Variants in DNER observed in about 807,000 individuals in gnomAD.
DNER encodes delta/notch like EGF repeat containing.
In DNER, 33 loss-of-function variants were observed where a neutral mutation model predicts 78.2. The observed-to-expected ratio is 0.42, with a 90% CI of 0.32 to 0.56. The LOEUF (loss-of-function observed/expected upper bound fraction) is 0.56. DNER is among the 20% of genes least tolerant of loss of function. The pLI, the probability that DNER is intolerant of heterozygous loss-of-function variation, is 0.11. For synonymous variants in DNER, 417 were observed against 384.8 expected (o/e 1.08, Z -0.98); for missense variants, 918 against 975.3 (o/e 0.94, Z 0.78).
At chr2:229,396,913 T>C (rs1305659553) in intron 10 of DNER, among the ~76,000 whole-genome samples, 1 of 152,096 alleles carries the variant, frequency 6.6e-6, no homozygotes, top group Non-Finnish European at 1.5e-5. Flanking sequence ...ACCAAGTAAC[T>C]ACTGAAATCA....
intron 5 of DNER, among the ~76,000 whole-genome samples, chr2:229,538,298 A>G (rs967102764): frequency 1.3e-5 from 2 of 152,234 alleles, no homozygotes; most frequent in African/African-American, 4.8e-5. Context: ...TGACTCAAAA[A>G]TGTTTAACGA....
intron 8 of DNER, among the ~76,000 whole-genome samples, chr2:229,439,760 C>T (rs1041511409): frequency 6.6e-6 from 1 of 152,304 alleles, no homozygotes; most frequent in East Asian, 1.9e-4. Flanking sequence ...TGATACTGTG[C>T]TGGCAGGGCT....
intron 7 of DNER, among the ~76,000 whole-genome samples, chr2:229,449,397 C>T (rs994715422): frequency 1.3e-5 from 2 of 152,092 alleles, no homozygotes; most frequent in African/African-American, 2.4e-5. Flanking sequence ...TGCAGCATAG[C>T]TGCTTAAAAT....
intron 11 of DNER, among the ~76,000 whole-genome samples, chr2:229,384,164 G>A (rs1233107850): frequency 6.6e-6 from 1 of 152,012 alleles, no homozygotes; most frequent in Non-Finnish European, 1.5e-5. Flanking sequence ...ATGACTACTG[G>A]GTAAATAACG....
At chr2:229,359,725 A>G (rs1692171077) in intron 12 of DNER, among the ~76,000 whole-genome samples, 1 of 152,056 alleles carries the variant, frequency 6.6e-6, no homozygotes, top group Non-Finnish European at 1.5e-5. Context: ...CTGTCTTCTC[A>G]TGTATGGAGA....
intron 1 of DNER, among the ~76,000 whole-genome samples, chr2:229,697,846 G>T (rs1699684911): frequency 6.6e-6 from 1 of 152,212 alleles, no homozygotes; most frequent in Non-Finnish European, 1.5e-5. Flanking sequence ...TTCTAGGAAA[G>T]AAGACCTGCC....
intron 1 of DNER, among the ~76,000 whole-genome samples, chr2:229,604,774 C>T (rs1299039761): frequency 1.3e-5 from 2 of 152,102 alleles, no homozygotes; most frequent in African/African-American, 4.8e-5. Context: ...CTGCAGATAA[C>T]TCTAAAGTCT....
At chr2:229,406,901 C>T (rs1693399772) in intron 10 of DNER, among the ~76,000 whole-genome samples, 1 of 152,182 alleles carries the variant, frequency 6.6e-6, no homozygotes, top group Non-Finnish European at 1.5e-5. Flanking sequence ...TTCTTTCCAT[C>T]TTCTGACTTT....
intron 6 of DNER, among the ~76,000 whole-genome samples, chr2:229,509,035 T>A (rs1300854166): frequency 6.6e-6 from 1 of 152,216 alleles, no homozygotes; most frequent in Non-Finnish European, 1.5e-5. Context: ...TAAGGTTAGT[T>A]GTCAGAAACA....
At chr2:229,470,727 G>A (rs947519216) in intron 7 of DNER, among the ~76,000 whole-genome samples, 2 of 152,146 alleles carry the variant, frequency 1.3e-5, no homozygotes, top group East Asian at 1.9e-4. Context: ...ATGGTCGCCT[G>A]TAATGCCAGC....
intron 6 of DNER, among the ~76,000 whole-genome samples, chr2:229,510,041 A>T (rs1189900578): frequency 6.6e-6 from 1 of 152,124 alleles, no homozygotes; most frequent in Non-Finnish European, 1.5e-5. Context: ...TAGTTACCCA[A>T]GCAAAAAGGA....
At chr2:229,479,726 A>C (rs2009549) in intron 6 of DNER, among the ~76,000 whole-genome samples, 70,084 of 132,626 alleles carry the variant, frequency 0.53, 16,595 homozygotes, top group South Asian at 0.69. Flanking sequence ...AAAAAAAAAA[A>C]AAAAACAAAA....
intron 6 of DNER, among the ~76,000 whole-genome samples, chr2:229,510,330 C>T (rs546602263): frequency 1.3e-5 from 2 of 152,334 alleles, no homozygotes; most frequent in Admixed American, 6.5e-5. Context: ...CCTGCAGCCA[C>T]GTGGAGAATG....
chr2:229,684,140 G>T (rs1699437723), intron 1 of DNER, among the ~76,000 whole-genome samples: 1 of 115,996 alleles, frequency 8.6e-6, no homozygotes, highest in African/African-American at 3.3e-5. Flanking sequence ...GTGTGTCTGT[G>T]TATGTGAGAG....
intron 5 of DNER, among the ~76,000 whole-genome samples, chr2:229,524,836 G>A (rs891462156): frequency 6.6e-6 from 1 of 152,176 alleles, no homozygotes; most frequent in African/African-American, 2.4e-5. Context: ...TGATCGCTCT[G>A]GGCCAGGCCG....
intron 9 of DNER, among the ~76,000 whole-genome samples, chr2:229,414,612 C>G (rs1024148370): frequency 8.5e-5 from 13 of 152,274 alleles, no homozygotes; most frequent in Middle Eastern, 3.4e-3. Flanking sequence ...ATCCTCACCC[C>G]CTTCAACACA....
chr2:229,586,498 T>C (rs1697499029), intron 3 of DNER, among the ~76,000 whole-genome samples: 1 of 38,896 alleles, frequency 2.6e-5, no homozygotes, highest in Non-Finnish European at 4.3e-5. Context: ...CTCCCCTGGC[T>C]CATTTTTGGT....
chr2:229,486,092 G>T (rs1258142797), intron 6 of DNER, among the ~76,000 whole-genome samples: 6 of 152,188 alleles, frequency 3.9e-5, no homozygotes, highest in Non-Finnish European at 7.3e-5. Flanking sequence ...CTGCTAAGAT[G>T]CAGTGCCTAA....
At chr2:229,477,324 G>T in intron 6 of DNER, 71 bp from the exon 7 acceptor site, 1 of 1,140,590 alleles carries the variant, frequency 8.8e-7, no homozygotes, top group Non-Finnish European at 1.3e-6. Context: ...TCTAGGAATT[G>T]ATGGATTCAA....
Sources: gnomAD v4.1 joint callset for allele counts (sites outside exome capture counted in the v4.1 genomes callset) on GRCh38, gnomAD v4.1.1 for gene constraint, MANE v1.5 for transcripts, NCBI Gene and HGNC (gene_info 2026-07-23, HGNC 2026-07-21) for gene names.